Variants in POLE observed in about 807,000 individuals in gnomAD.
POLE encodes DNA polymerase epsilon catalytic subunit A.
Under a neutral mutation model 279.2 loss-of-function variants are expected in POLE, and 188 were observed. The observed-to-expected ratio is 0.67, with a 90% CI of 0.60 to 0.76. The LOEUF (loss-of-function observed/expected upper bound fraction) is 0.76, where lower values mean the gene tolerates loss of function less well. Among genes scored for constraint, POLE ranks in the 30% least tolerant of loss-of-function variants. POLE has a pLI of 0.00. For synonymous variants in POLE, 1,214 were observed against 1,172.5 expected, an observed-to-expected ratio of 1.04 and a Z score of -0.72; for missense variants, 2,703 against 3,016.7, an observed-to-expected ratio of 0.90 and a Z score of 2.44.
chr12:132,636,776 A>C (rs930603752), intron 41 of POLE, among the ~76,000 whole-genome samples: 34 of 149,478 alleles, frequency 2.3e-4, no homozygotes, highest in African/African-American at 5.2e-4. Flanking sequence ...ACAAAACCCC[A>C]AAAAATGGAA....
intron 6 of POLE, among the ~76,000 whole-genome samples, chr12:132,678,758 C>T (rs1048867772): frequency 3.4e-4 from 52 of 152,170 alleles, no homozygotes; most frequent in African/African-American, 1.1e-3. Context: ...AAAGAAGTGG[C>T]CCACCATTGC....
At chr12:132,658,881 C>CAAAA (rs1167117347) in intron 26 of POLE, among the ~76,000 whole-genome samples, 1,443 of 33,818 alleles carry the variant, frequency 0.043, 354 homozygotes, top group Non-Finnish European at 0.06. Context: ...ATATAACCAC[C>CAAAA]AAAAAAAAAA....
rs1060500816 is a variant in POLE, at chr12:132,643,250, T to C, written c.4525A>G (p.Arg1509Gly). 66 of 1,613,814 alleles carry C rather than the reference T, an allele frequency of 4.1e-5. No homozygotes were observed. Among genetic ancestry groups the C allele is most frequent in the Non-Finnish European group, 5.5e-5 (65 of 1,180,014 alleles). ...GTGTCCAGCACAAAGACGGATGCCC[T>C]GCGCTGTGAGGGGATGAAGATCCCG... ...LFGIFIPSQR[R>G]ASVFVLDTVR... is the part of the protein sequence containing the mutation. Residue 1509 changes from arginine (R) to glycine (G), a missense_variant, in exon 35 of 49, where the codon AGG becomes GGG. By Grantham distance (125) the Arg-to-Gly change is moderately radical (BLOSUM62 -2). Transcript: ENST00000320574.
chr12:132,662,973 G>A (rs945771712), intron 23 of POLE, among the ~76,000 whole-genome samples: 3 of 152,218 alleles, frequency 2.0e-5, no homozygotes, highest in African/African-American at 4.8e-5. Flanking sequence ...TACAGTAGAA[G>A]GAATGAAGGA....
intron 29 of POLE, among the ~76,000 whole-genome samples, chr12:132,651,580 A>G (rs1270441964): frequency 6.6e-6 from 1 of 152,244 alleles, no homozygotes; most frequent in African/African-American, 2.4e-5. Flanking sequence ...AAATGGCCCA[A>G]CGACCCCCAC....
In POLE at chr12:132,649,903, G is replaced by C. The variant is rs543301804; in HGVS notation, c.3583-14C>G. 4 of 1,611,466 alleles carry C rather than the reference G, an allele frequency of 2.5e-6. No homozygotes were observed. In the East Asian group the frequency reaches 6.7e-5, roughly 27 times the overall value. On this transcript the variant is annotated splice_polypyrimidine_tract_variant and intron_variant, in intron 29 of 48. Transcript: ENST00000320574. The stretch of plus-strand genomic sequence containing the variant: ...GGCCATCGTGACCTGGAAAGACCCA[G>C]TGAAGCCTTAAATCTCAGGATCTCG...
intron 12 of POLE, 61 bp from the exon 13 acceptor site, chr12:132,673,768 A>T (rs2136001635): frequency 1.9e-6 from 3 of 1,597,486 alleles, no homozygotes; most frequent in Non-Finnish European, 2.6e-6. Flanking sequence ...GGAACCCCTG[A>T]GAACTGGCAA....
At position 132,634,722 on chromosome 12, in the gene POLE, G is replaced by C. The variant is rs917778962; in HGVS notation, c.5812-344C>G. 3.3e-5 allele frequency among the ~76,000 whole-genome samples: 5 copies of C among 152,124 alleles called. No homozygotes were observed. Among genetic ancestry groups the C allele is most frequent in the Non-Finnish European group, 5.9e-5 (4 of 68,014 alleles). On this transcript the variant is annotated intron_variant, in intron 42 of 48. Transcript: ENST00000320574. This position sits in a 1 kb window ranked among gnomAD's most constrained non-coding sequence, Gnocchi z 4.0. ...TGACTGTTCTCTCCTCTGAGTCCAT[G>C]AATCTCCTGGGACGGCACGACCCCA...
chr12:132,649,945 TCATGCCTGGA>T, intron 29 of POLE, 56 bp from the exon 30 acceptor site: 1 of 1,512,972 alleles, frequency 6.6e-7, no homozygotes, highest in Non-Finnish European at 9.1e-7. Context: ...GCAGGGTGGC[TCATGCCTGGA>T]ATGCCAGCAC....
At position 132,672,243 on chromosome 12, in the gene POLE, G is replaced by A. The variant is rs2135990384; in HGVS notation, c.1766C>T (p.Pro589Leu). Residue 589 changes from proline (P) to leucine (L), a missense_variant, in exon 16 of 49, where the codon CCT becomes CTT. Transcript: ENST00000320574. ...RHALEEEEKV[P>L]VEQVTNFEEV... ...TTCAAAGTTGGTGACTTGCTCCACA[G>A]GCACTTTCTCCTCTTCCTCAAGGGC... 6.2e-7 allele frequency: 1 copy of A among 1,614,084 alleles called. No homozygotes were observed. Among genetic ancestry groups the A allele is most frequent in the Non-Finnish European group, 8.5e-7 (1 of 1,179,920 alleles).
chr12:132,632,540 TG>T (rs1565926930), intron 44 of POLE, 32 bp from the exon 45 acceptor site: 1 of 1,610,490 alleles, frequency 6.2e-7, no homozygotes, highest in Non-Finnish European at 8.5e-7. Flanking sequence ...GGGAGGGGTC[TG>T]GGACCTGTCT....
chr12:132,679,643 G>A lies in POLE; in HGVS notation c.432C>T (p.His144=). 2 of 1,609,926 alleles carry A rather than the reference G, an allele frequency of 1.2e-6. No individual in the cohort carries two copies. The highest frequency in any genetic ancestry group is 8.5e-7 in the Non-Finnish European group (1 of 1,176,384). The change falls in exon 6 of 49, where the codon CAC becomes CAT. Residue 144 remains histidine (H), a synonymous_variant. Transcript: ENST00000320574. ...VPKEDLDLPN[H]LVGLKRNYIR... ...TGTAATTTCGCTTCAAACCCACCAA[G>A]TGATTTGGCTATAATGCGAAGAGAT... is the stretch of plus-strand genomic sequence containing the variant.
chr12:132,631,389 C>A (rs548464465), intron 45 of POLE, among the ~76,000 whole-genome samples: 1 of 152,036 alleles, frequency 6.6e-6, no homozygotes, highest in Admixed American at 6.6e-5. Context: ...CAGAACTGCA[C>A]GCCACAGAGT....
Position 132,632,324 on chromosome 12 carries a change from G to T in POLE, c.6321C>A (p.Tyr2107Ter), listed in dbSNP as rs201656807. Residue 2107 changes from tyrosine to a stop codon, truncating the protein, a stop_gained, in exon 45 of 49, where the codon TAC (tyrosine) becomes TAA (stop). Transcript: ENST00000320574. LOFTEE classifies it high-confidence loss of function. The part of the protein sequence containing the change: ...LNNPALEFIK[Y>*]VCKVLSLDTN... ...ACGCTGGCACTCTCACCTTGCACAC[G>T]TATTTGATGAACTCCAGGGCAGGGT... 1 of 1,613,672 alleles carries T rather than the reference G, an allele frequency of 6.2e-7. No individual in the cohort carries two copies. Among genetic ancestry groups the T allele is most frequent in the Admixed American group, 1.7e-5 (1 of 60,028 alleles).
chr12:132,626,385 A>C (rs1051153282), intron 45 of POLE, 68 bp from the exon 46 acceptor site: 1 of 1,472,350 alleles, frequency 6.8e-7, no homozygotes, highest in Non-Finnish European at 9.5e-7. Context: ...TCTGGACCAG[A>C]ACCCTCTGGA....
At chr12:132,645,614 A>C (rs1025455473) in intron 32 of POLE, among the ~76,000 whole-genome samples, 1 of 152,240 alleles carries the variant, frequency 6.6e-6, no homozygotes, top group African/African-American at 2.4e-5. Context: ...CAAACAAAAA[A>C]ACCTGACACG....
rs1221858843 is a variant in POLE, at chr12:132,643,942, G to A, written c.4185C>T (p.Tyr1395=). ...CTGGCACTGAATACTCATAGAGATT[G>A]TAGACCATGTTGGAGCGAGGAAGGA... is the stretch of plus-strand genomic sequence containing the variant. The part of the protein sequence containing the change: ...NRVLPRSNMV[Y]NLYEYSVPED... Residue 1395 remains tyrosine (Y), a synonymous_variant, in exon 33 of 49, where the codon TAC becomes TAT. Coordinates refer to ENST00000320574, the MANE Select transcript of POLE (RefSeq NM_006231.4). 2 of 1,613,886 alleles carry A rather than the reference G, an allele frequency of 1.2e-6. No homozygotes were observed. The highest frequency in any genetic ancestry group is 3.3e-5 in the Admixed American group (2 of 59,986).
intron 19 of POLE, 48 bp from the exon 20 acceptor site, chr12:132,667,696 G>A (rs755035869): frequency 1.2e-6 from 2 of 1,602,490 alleles, no homozygotes; most frequent in Admixed American, 1.7e-5. Context: ...ATCTCCCAGA[G>A]CAGAGGGAGC....
rs760480789 is a variant in POLE at position 132,624,963 on chromosome 12, G to A, written c.6689C>T (p.Thr2230Ile). ...GCAGCTGCAGTACACAGGCATGCTG[G>A]TCTCCTTCACCCCGCGGCACTTCAG... ...VCLKCRGVKE[T>I]SMPVYCSCAG... The change falls in exon 48 of 49, where the codon ACC (threonine) becomes ATC (isoleucine). Residue 2230 changes from threonine (T) to isoleucine (I), a missense_variant. Around this residue, in one of 5 missense-constraint regions of POLE, gnomAD observed 1,551 missense variants for 1,686.1 expected, o/e 0.92. Coordinates refer to ENST00000320574, the MANE Select transcript of POLE (RefSeq NM_006231.4). The A allele has an allele frequency of 2.5e-6, 4 of 1,614,018 alleles. No homozygotes were observed. Among genetic ancestry groups the A allele is most frequent in the Admixed American group, 1.7e-5 (1 of 60,026 alleles).
Sources: allele counts gnomAD v4.1 joint callset (sites outside exome capture counted in the v4.1 genomes callset), GRCh38; gene constraint gnomAD v4.1.1; regional missense constraint gnomAD v4.1.1; non-coding constraint Gnocchi (gnomAD v3.1); transcripts MANE v1.5; gene names NCBI Gene and HGNC (gene_info 2026-07-23, HGNC 2026-07-21).